CFAP45: variants seen among roughly 807,000 people sequenced by gnomAD.
The protein encoded by CFAP45 is cilia- and flagella-associated protein 45.
A neutral mutation model predicts 75.6 loss-of-function variants in CFAP45; 43 were observed. The observed-to-expected ratio is 0.57, with a 90% CI of 0.45 to 0.73. CFAP45 has a LOEUF of 0.73. Among genes scored for constraint, CFAP45 ranks in the 30% least tolerant of loss-of-function variants. The probability of loss-of-function intolerance (pLI) is 0.00; values close to 1 mark genes in which losing one functional copy is unlikely to be tolerated. For synonymous variants in CFAP45, 223 were observed against 244.6 expected (o/e 0.91, Z 0.82); for missense variants, 689 against 701.5 (o/e 0.98, Z 0.20).
intron 1 of CFAP45, among the ~76,000 whole-genome samples, chr1:159,896,243 C>T (rs1028858728): frequency 7.2e-5 from 11 of 152,180 alleles, no homozygotes; most frequent in Middle Eastern, 3.2e-3. Context: ...TTTCCTATGC[C>T]CTTGGTACCC....
chr1:159,883,631 T>A (rs1254464873), intron 7 of CFAP45, among the ~76,000 whole-genome samples: 1,018 of 12,822 alleles, frequency 0.079, 17 homozygotes, highest in African/African-American at 0.15. Context: ...AAAATATATA[T>A]ATATATATAT....
At chr1:159,887,748 C>CCCCCCT in intron 5 of CFAP45, 93 bp downstream of exon 5, 1 of 1,341,584 alleles carries the variant, frequency 7.5e-7, no homozygotes, top group Non-Finnish European at 1.0e-6. Context: ...CCCACACCCC[C>CCCCCCT]ACCAGTCCCT....
chr1:159,886,608 C>T lies in CFAP45; in HGVS notation c.670G>A (p.Glu224Lys), dbSNP rs747333973. The change falls in exon 6 of 12, where the codon GAA (glutamate) becomes AAA (lysine). Residue 224 changes from glutamate (E) to lysine (K), a missense_variant. By Grantham distance (56) the Glu-to-Lys change is moderately conservative. Transcript: ENST00000368099. ...ATCATCTGATCCAACCGCTTCTCTTCTGTGTCCAGTTCTTTTTGGATCTGC... is the reference window on the plus strand; with the variant it reads ...ATCATCTGATCCAACCGCTTCTCTTTTGTGTCCAGTTCTTTTTGGATCTGC... ...KQQIQKELDT[E>K]EKRLDQMMEV... The T allele has an allele frequency of 1.8e-5, 29 of 1,614,188 alleles. No individual in the cohort carries two copies. The South Asian group carries it at 2.5e-4, about 14-fold the overall frequency.
rs528651917 is a variant in CFAP45 at position 159,894,207 on chromosome 1, A to T, written c.4-902T>A. ...CTGAAGGCCAAGTCGGCCACATAGT[A>T]TGGAAGTAAGGATAAAGGAAGCAGG... On this transcript the variant is annotated intron_variant, in intron 1 of 11. Transcript: ENST00000368099. Among the ~76,000 whole-genome samples the T allele has an allele frequency of 5.9e-5, 9 of 152,300 alleles. No individual in the cohort carries two copies. In the South Asian group the frequency reaches 1.9e-3, roughly 32 times the overall value.
intron 8 of CFAP45, 27 bp downstream of exon 8, chr1:159,880,527 C>G: frequency 1.2e-6 from 2 of 1,605,374 alleles, no homozygotes; most frequent in South Asian, 2.2e-5. Context: ...CATTCCTAAC[C>G]AAAGGTCCCA....
intron 8 of CFAP45, 32 bp from the exon 9 acceptor site, chr1:159,877,494 G>T: frequency 6.9e-7 from 1 of 1,456,468 alleles, no homozygotes; most frequent in South Asian, 1.1e-5. Flanking sequence ...TAGAATAGTT[G>T]CCATTGCCCC....
chr1:159,886,570 C>A lies in CFAP45; in HGVS notation c.708G>T (p.Arg236=). The part of the protein sequence containing the change: ...KRLDQMMEVE[R]QKSIQRQEEL... ...CCTCCTGCCTTTGAATGGATTTCTGCCGCTCCACTTCCATCATCTGATCCA... is the reference window on the plus strand; with the variant it reads ...CCTCCTGCCTTTGAATGGATTTCTGACGCTCCACTTCCATCATCTGATCCA... The change falls in exon 6 of 12, where the codon CGG becomes CGT. Residue 236 remains arginine (R), a synonymous_variant. Transcript: ENST00000368099. 1 of 1,614,158 alleles carries A rather than the reference C, an allele frequency of 6.2e-7. No homozygotes were observed. Among genetic ancestry groups the A allele is most frequent in the Non-Finnish European group, 8.5e-7 (1 of 1,180,008 alleles).
intron 7 of CFAP45, among the ~76,000 whole-genome samples, chr1:159,883,848 T>C (rs1649612702): frequency 6.6e-6 from 1 of 152,180 alleles, no homozygotes; most frequent in African/African-American, 2.4e-5. Flanking sequence ...AAGGGTTTTA[T>C]ACATTGTTAC....
chr1:159,883,460 A>T (rs940711295), intron 7 of CFAP45, among the ~76,000 whole-genome samples: 38 of 152,176 alleles, frequency 2.5e-4, no homozygotes, highest in Admixed American at 1.9e-3. Flanking sequence ...TAACTATTAG[A>T]TGATATTATG....
At chr1:159,875,975 T>A (rs754800441) in intron 10 of CFAP45, among the ~76,000 whole-genome samples, 12 of 152,224 alleles carry the variant, frequency 7.9e-5, no homozygotes, top group Non-Finnish European at 1.6e-4. Context: ...GATGGATTGA[T>A]GTAGGTGCAG....
At chr1:159,881,941 A>T (rs1231103738) in intron 7 of CFAP45, among the ~76,000 whole-genome samples, 1 of 152,098 alleles carries the variant, frequency 6.6e-6, no homozygotes, top group East Asian at 1.9e-4. Flanking sequence ...CCAAAGACTA[A>T]ATCCCTCCCT....
intron 7 of CFAP45, among the ~76,000 whole-genome samples, chr1:159,881,608 G>GT (rs1433340153): frequency 6.6e-6 from 1 of 152,180 alleles, no homozygotes; most frequent in Non-Finnish European, 1.5e-5. Context: ...GGCAGGAAAG[G>GT]TAGGACCAAA....
chr1:159,896,430 G>A (rs1649952672), intron 1 of CFAP45, among the ~76,000 whole-genome samples: 1 of 152,144 alleles, frequency 6.6e-6, no homozygotes, highest in African/African-American at 2.4e-5. Context: ...CTTACACCAG[G>A]GTTAGAATAA....
chr1:159,875,729 A>C (rs1649383865), intron 10 of CFAP45, among the ~76,000 whole-genome samples: 1 of 152,190 alleles, frequency 6.6e-6, no homozygotes, highest in Admixed American at 6.5e-5. Context: ...TCTGAACCAG[A>C]GCAAAAAGAG....
chr1:159,873,173 G>A lies in CFAP45; in HGVS notation c.1353-5C>T, dbSNP rs757800637. 1.9e-6 allele frequency: 3 copies of A among 1,612,502 alleles called. No homozygotes were observed. Among genetic ancestry groups the A allele is most frequent in the East Asian group, 2.2e-5 (1 of 44,840 alleles). On this transcript the variant is annotated splice_region_variant and splice_polypyrimidine_tract_variant and intron_variant, in intron 10 of 11. Transcript: ENST00000368099. Reference sequence around the variant, plus strand: ...TCAATCTGTTCTCTCTGAGCCCTGGGGGAGGGAAACAGGAATGGAATGAAC... The same window carrying A: ...TCAATCTGTTCTCTCTGAGCCCTGGAGGAGGGAAACAGGAATGGAATGAAC...
rs370829068 is a variant in CFAP45 at position 159,879,154 on chromosome 1, G to A, written c.1044+1400C>T. 5.9e-5 allele frequency among the ~76,000 whole-genome samples: 9 copies of A among 152,104 alleles called. No homozygotes were observed. The East Asian group carries it at 9.6e-4, about 16-fold the overall frequency. On this transcript the variant is annotated intron_variant, in intron 8 of 11. Coordinates refer to ENST00000368099, the MANE Select transcript of CFAP45 (RefSeq NM_012337.3). ...CCTCTCTTGCTTAGAAATTCATGGCGACTCCTTATCATTCCACTCTTCCAG... is the reference window on the plus strand; with the variant it reads ...CCTCTCTTGCTTAGAAATTCATGGCAACTCCTTATCATTCCACTCTTCCAG...
intron 8 of CFAP45, 45 bp downstream of exon 8, chr1:159,880,508 CA>C (rs755682817): frequency 6.3e-7 from 1 of 1,577,874 alleles, no homozygotes; most frequent in Non-Finnish European, 8.6e-7. Context: ...CTCCCTGTGA[CA>C]GACATTCCAT....
At chr1:159,888,122 G>T in intron 4 of CFAP45, 111 bp from the exon 5 acceptor site, 1 of 1,283,016 alleles carries the variant, frequency 7.8e-7, no homozygotes, top group Non-Finnish European at 1.1e-6. Context: ...GGCCAGTGAT[G>T]ATGTCAGAGC....
intron 1 of CFAP45, among the ~76,000 whole-genome samples, chr1:159,896,335 G>A (rs1464704305): frequency 1.3e-5 from 2 of 152,200 alleles, no homozygotes; most frequent in South Asian, 2.1e-4. Flanking sequence ...AGTGGCCACT[G>A]AGCAGGACAG....
Sources: gnomAD v4.1 joint callset for allele counts (sites outside exome capture counted in the v4.1 genomes callset) on GRCh38, gnomAD v4.1.1 for gene constraint, MANE v1.5 for transcripts, NCBI Gene and HGNC (gene_info 2026-07-23, HGNC 2026-07-21) for gene names.